The following HYDIN variants were observed in gnomAD, a reference collection of about 807,000 sequenced individuals.
The protein encoded by HYDIN is axonemal central pair apparatus protein HYDIN.
In HYDIN, 132 loss-of-function variants were observed where a neutral mutation model predicts 403.9. The ratio of observed to expected loss-of-function variants is 0.33; its 90% CI spans 0.28 to 0.38. The LOEUF is 0.38. Among genes scored for constraint, HYDIN ranks in the 10% least tolerant of loss-of-function variants. The pLI is 1.00. For synonymous variants in HYDIN, 1,202 were observed against 1,891.7 expected (o/e 0.64, Z 9.46); for missense variants, 2,827 against 5,009.5 (o/e 0.56, Z 13.15).
intron 10 of HYDIN, among the ~76,000 whole-genome samples, chr16:71,098,733 T>TA (rs56001948): frequency 0.22 from 28,537 of 128,270 alleles, 1,645 homozygotes; most frequent in East Asian, 0.38. Flanking sequence ...CTGCCTTTCT[T>TA]AAAAAAAAAA....
At chr16:71,183,367 A>T (rs1243127059) in intron 3 of HYDIN, among the ~76,000 whole-genome samples, 1 of 152,198 alleles carries the variant, frequency 6.6e-6, no homozygotes, top group Non-Finnish European at 1.5e-5. Context: ...AAGGTCCAAC[A>T]TATTCATCAT....
intron 9 of HYDIN, among the ~76,000 whole-genome samples, chr16:71,117,758 T>G (rs1026714887): frequency 2.6e-5 from 4 of 152,160 alleles, no homozygotes; most frequent in African/African-American, 2.4e-5. Flanking sequence ...GAATAAAGAA[T>G]GTCGAAAAGA....
intron 45 of HYDIN, among the ~76,000 whole-genome samples, chr16:70,934,241 G>T (rs1468521936): frequency 6.6e-6 from 1 of 152,102 alleles, no homozygotes; most frequent in Non-Finnish European, 1.5e-5. Context: ...CAGAAATGAG[G>T]GGTGACGAGG....
intron 7 of HYDIN, among the ~76,000 whole-genome samples, chr16:71,152,394 C>T (rs1048017121): frequency 4.7e-5 from 7 of 150,472 alleles, no homozygotes; most frequent in Non-Finnish European, 1.0e-4. Flanking sequence ...TTTGGAGGAA[C>T]AGGTGGTGTT....
chr16:70,958,108 T>C (rs2078298182), intron 39 of HYDIN, among the ~76,000 whole-genome samples: 1 of 151,964 alleles, frequency 6.6e-6, no homozygotes. Flanking sequence ...GTGTCTTCCC[T>C]CTCCTTCTTA....
chr16:71,131,852 T>C (rs1213632618), intron 8 of HYDIN: 1 of 151,418 alleles, frequency 6.6e-6, no homozygotes. Flanking sequence ...ATATGCACAC[T>C]GCCTCCCAGG....
At chr16:71,105,506 T>A (rs1440627512) in intron 10 of HYDIN, among the ~76,000 whole-genome samples, 5 of 116,620 alleles carry the variant, frequency 4.3e-5, no homozygotes, top group Admixed American at 1.8e-4. Flanking sequence ...TCAATTAAGA[T>A]AAAAATCAGA....
chr16:71,112,507 A>G (rs1187696447), intron 10 of HYDIN, among the ~76,000 whole-genome samples: 4 of 151,858 alleles, frequency 2.6e-5, no homozygotes, highest in African/African-American at 9.7e-5. Context: ...CACAGGGGGG[A>G]AATCAAAAGC....
intron 1 of HYDIN, among the ~76,000 whole-genome samples, chr16:71,221,258 G>GA (rs79657027): frequency 0.011 from 1,453 of 133,128 alleles, 20 homozygotes; most frequent in African/African-American, 0.036. Flanking sequence ...AAGGTATAAA[G>GA]AAAAAAAAAA....
At chr16:71,223,152 T>C (rs2081253) in intron 1 of HYDIN, among the ~76,000 whole-genome samples, 1 of 151,690 alleles carries the variant, frequency 6.6e-6, no homozygotes, top group Non-Finnish European at 1.5e-5. Context: ...CAGAACAGAG[T>C]ACCCAAAAAT....
chr16:71,193,444 C>T (rs1032545535), intron 1 of HYDIN, among the ~76,000 whole-genome samples: 2 of 152,130 alleles, frequency 1.3e-5, no homozygotes, highest in African/African-American at 4.8e-5. Context: ...TCTCAGCTAA[C>T]TCTTAGGAAG....
At chr16:70,925,422 A>G (rs113600467) in intron 45 of HYDIN, among the ~76,000 whole-genome samples, 3,699 of 152,276 alleles carry the variant, frequency 0.024, 19 homozygotes, top group Middle Eastern at 0.078. Context: ...AGGTTTGTCA[A>G]CTGGATCCCT....
intron 23 of HYDIN, among the ~76,000 whole-genome samples, chr16:70,999,966 TAGAA>T (rs1424996708): frequency 6.6e-6 from 1 of 152,100 alleles, no homozygotes; most frequent in Non-Finnish European, 1.5e-5. Context: ...TACATGATCT[TAGAA>T]AGGCTGCCAA....
chr16:71,038,807 T>C (rs1372554742), intron 18 of HYDIN, among the ~76,000 whole-genome samples: 1 of 151,362 alleles, frequency 6.6e-6, no homozygotes, highest in African/African-American at 2.4e-5. Context: ...TACAGGCATG[T>C]GCCACCATGC....
At chr16:71,192,739 C>A (rs1034878601) in intron 1 of HYDIN, among the ~76,000 whole-genome samples, 9 of 152,176 alleles carry the variant, frequency 5.9e-5, no homozygotes, top group Non-Finnish European at 1.2e-4. Context: ...CTCTCTCCCT[C>A]ACCGGACTCT....
At chr16:71,148,283 T>C (rs945154279) in intron 7 of HYDIN, among the ~76,000 whole-genome samples, 1 of 152,152 alleles carries the variant, frequency 6.6e-6, no homozygotes, top group African/African-American at 2.4e-5. Context: ...AACGTCATAC[T>C]AAATGATGAA....
chr16:71,094,716 C>A (rs1200544681), intron 10 of HYDIN, among the ~76,000 whole-genome samples: 6 of 152,282 alleles, frequency 3.9e-5, no homozygotes, highest in African/African-American at 1.4e-4. Context: ...TGCATGGAGT[C>A]AAATTTCTAT....
At chr16:70,832,644 A>C (rs2037088154) in intron 80 of HYDIN, among the ~76,000 whole-genome samples, 1 of 152,382 alleles carries the variant, frequency 6.6e-6, no homozygotes, top group African/African-American at 2.4e-5. Context: ...TTCCTTGAGA[A>C]TGTAATGTTT....
intron 9 of HYDIN, among the ~76,000 whole-genome samples, chr16:71,118,261 A>G (rs2084120862): frequency 6.6e-6 from 1 of 151,130 alleles, no homozygotes; most frequent in South Asian, 2.1e-4. Flanking sequence ...ACATTTTAAA[A>G]TGTCGTATAC....
Sources: gnomAD v4.1 joint callset for allele counts (sites outside exome capture counted in the v4.1 genomes callset) on GRCh38, gnomAD v4.1.1 for gene constraint, MANE v1.5 for transcripts, NCBI Gene and HGNC (gene_info 2026-07-23, HGNC 2026-07-21) for gene names.